The following GOLGA1 variants were observed in gnomAD, a reference collection of about 807,000 sequenced individuals.
The protein encoded by GOLGA1 is golgin subfamily A member 1.
In GOLGA1, 63 loss-of-function variants were observed where a neutral mutation model predicts 119.7. That is an observed-to-expected ratio of 0.53 (90% CI 0.43 to 0.65). GOLGA1 has a LOEUF of 0.65. GOLGA1 is among the 30% of genes least tolerant of loss of function. The pLI is 0.00. For synonymous variants in GOLGA1, 318 were observed against 333.4 expected (o/e 0.95, Z 0.50); for missense variants, 798 against 912.8 (o/e 0.87, Z 1.62).
intron 12 of GOLGA1, among the ~76,000 whole-genome samples, chr9:124,905,550 G>A (rs1414279073): frequency 1.3e-5 from 2 of 152,014 alleles, no homozygotes; most frequent in Non-Finnish European, 2.9e-5. Flanking sequence ...TTTAAGACTG[G>A]GAACAAAACA....
At chr9:124,899,194 T>G (rs1321389796) in intron 14 of GOLGA1, 135 bp downstream of exon 14, 1 of 741,180 alleles carries the variant, frequency 1.3e-6, no homozygotes, top group Admixed American at 2.9e-5. Flanking sequence ...AGACCCTGTC[T>G]CAAACAAAAA....
intron 3 of GOLGA1, 144 bp from the exon 4 acceptor site, chr9:124,931,550 TG>T (rs1830771781): frequency 1.7e-6 from 1 of 591,828 alleles, no homozygotes. Context: ...TTTCTCTACC[TG>T]GAAAGTGGAA....
At chr9:124,894,354 G>C (rs922541818) in intron 15 of GOLGA1, among the ~76,000 whole-genome samples, 6 of 151,632 alleles carry the variant, frequency 4.0e-5, no homozygotes, top group African/African-American at 1.5e-4. Context: ...GAGCTATGCT[G>C]ATTGATGGTT....
At chr9:124,901,155 T>A (rs1401709070) in intron 12 of GOLGA1, among the ~76,000 whole-genome samples, 1 of 151,768 alleles carries the variant, frequency 6.6e-6, no homozygotes, top group East Asian at 1.9e-4. Context: ...GTATTTTTAG[T>A]ACAGACAGGG....
chr9:124,905,501 A>G (rs112194792), intron 12 of GOLGA1, among the ~76,000 whole-genome samples: 5 of 152,180 alleles, frequency 3.3e-5, no homozygotes, highest in Non-Finnish European at 5.9e-5. Context: ...AAAAACCTGC[A>G]AATGTTACAC....
intron 13 of GOLGA1, chr9:124,900,209 C>T (rs938574213): frequency 5.6e-6 from 2 of 356,034 alleles, no homozygotes; most frequent in Admixed American, 4.7e-5. Flanking sequence ...CAGGCTGGAC[C>T]AGAAGGTGGG....
chr9:124,911,761 G>A lies in GOLGA1; in HGVS notation c.969+140C>T, dbSNP rs2277187. The A allele has an allele frequency of 0.011, 7,709 of 709,484 alleles. 393 individuals are homozygous for A. In the Admixed American group the frequency reaches 0.11, roughly 10 times the overall value. 43.9% of individuals were successfully genotyped at this position (709,484 alleles called of 1,614,324 possible). On this transcript the variant is annotated intron_variant, in intron 11 of 22. Transcript: ENST00000373555. ...ATAAGGCTCTTTCTGATGTAAGCAG[G>A]ACAAGCCAAAGTTGGAGACACTTCT...
At chr9:124,935,229 A>G in intron 3 of GOLGA1, among the ~76,000 whole-genome samples, 1 of 152,228 alleles carries the variant, frequency 6.6e-6, no homozygotes, top group East Asian at 1.9e-4. Context: ...CTGCATATAC[A>G]TAATATAATA....
chr9:124,908,558 G>T, intron 11 of GOLGA1, 86 bp from the exon 12 acceptor site: 1 of 801,500 alleles, frequency 1.2e-6, no homozygotes, highest in Non-Finnish European at 2.2e-6. Context: ...ATTGTGACTT[G>T]TGCTAGGCAC....
chr9:124,920,961 G>A (rs981308821), intron 10 of GOLGA1, among the ~76,000 whole-genome samples, 168 bp downstream of exon 10: 8 of 152,102 alleles, frequency 5.3e-5, no homozygotes, highest in Non-Finnish European at 1.0e-4. Context: ...CCCTTGTTCA[G>A]CTGTATGGCC....
At chr9:124,921,019 G>A (rs1830558934) in intron 10 of GOLGA1, 110 bp downstream of exon 10, 2 of 719,300 alleles carry the variant, frequency 2.8e-6, no homozygotes, top group Admixed American at 4.0e-5. Flanking sequence ...GGAGCCATGT[G>A]GACTGCATGA....
intron 5 of GOLGA1, among the ~76,000 whole-genome samples, chr9:124,928,494 G>T (rs935388596): frequency 6.6e-6 from 1 of 152,048 alleles, no homozygotes; most frequent in East Asian, 1.9e-4. Context: ...TTTCCTTATC[G>T]TTTTTGTTTT....
In GOLGA1 at chr9:124,900,439, A is replaced by C. The variant is rs529150723; in HGVS notation, c.1161+13T>G. Reference sequence around the variant, plus strand: ...TAAGGGCCTGGAATGCAGCAGCTCCAATAAGCACTTACGAGCTCCTGTATC... The same window carrying C: ...TAAGGGCCTGGAATGCAGCAGCTCCCATAAGCACTTACGAGCTCCTGTATC... On this transcript the variant is annotated intron_variant, in intron 13 of 22. Coordinates refer to ENST00000373555, the MANE Select transcript of GOLGA1 (RefSeq NM_002077.4). The C allele has an allele frequency of 7.7e-7, 1 of 1,304,416 alleles. No individual in the cohort carries two copies. Among genetic ancestry groups the C allele is most frequent in the South Asian group, 1.2e-5 (1 of 84,950 alleles). The allele number at this position is 1,304,416 out of a possible 1,614,324, so 80.8% of individuals were successfully genotyped here.
intron 11 of GOLGA1, 122 bp downstream of exon 11, chr9:124,911,779 A>G (rs903593746): frequency 1.2e-6 from 1 of 820,234 alleles, no homozygotes; most frequent in Admixed American, 2.3e-5. Flanking sequence ...AAAGTTGGAG[A>G]CACTTCTTTT....
intron 12 of GOLGA1, 151 bp downstream of exon 12, chr9:124,908,226 A>G: frequency 3.2e-6 from 2 of 621,364 alleles, no homozygotes; most frequent in Non-Finnish European, 5.9e-6. Flanking sequence ...AAGGATGAAG[A>G]AAATGACTAA....
intron 6 of GOLGA1, among the ~76,000 whole-genome samples, chr9:124,927,488 C>T (rs1264509325): frequency 6.6e-6 from 1 of 152,168 alleles, no homozygotes; most frequent in Non-Finnish European, 1.5e-5. Context: ...CCAACCAACC[C>T]ACCTCCTCCA....
chr9:124,887,886 C>G (rs1287628094), intron 19 of GOLGA1, among the ~76,000 whole-genome samples: 2 of 152,170 alleles, frequency 1.3e-5, no homozygotes, highest in Non-Finnish European at 2.9e-5. Context: ...CCAAACAAAC[C>G]CTTAAAGGCA....
chr9:124,884,075 G>A (rs986179325), intron 19 of GOLGA1, among the ~76,000 whole-genome samples: 2 of 151,080 alleles, frequency 1.3e-5, no homozygotes, highest in Non-Finnish European at 2.9e-5. Context: ...GCAGTGGCAC[G>A]ATCTCGGCTC....
At chr9:124,901,106 G>A (rs1348875109) in intron 12 of GOLGA1, among the ~76,000 whole-genome samples, 2 of 151,414 alleles carry the variant, frequency 1.3e-5, no homozygotes, top group Non-Finnish European at 2.9e-5. Context: ...TGAGTAGCTG[G>A]GACTACAGGT....
Sources: gnomAD v4.1 joint callset for allele counts (sites outside exome capture counted in the v4.1 genomes callset) on GRCh38, gnomAD v4.1.1 for gene constraint, MANE v1.5 for transcripts, NCBI Gene and HGNC (gene_info 2026-07-23, HGNC 2026-07-21) for gene names.